CATSPERG: variants seen among roughly 807,000 people sequenced by gnomAD.
CATSPERG encodes the protein cation channel sperm-associated auxiliary subunit gamma.
A neutral mutation model predicts 145.0 loss-of-function variants in CATSPERG; 115 were observed. The observed-to-expected ratio is 0.79, with a 90% CI of 0.68 to 0.93. The LOEUF (loss-of-function observed/expected upper bound fraction) is 0.93, where lower values mean the gene tolerates loss of function less well. Among genes scored for constraint, CATSPERG ranks in the 40% least tolerant of loss-of-function variants. The pLI, the probability that CATSPERG is intolerant of heterozygous loss-of-function variation, is 0.00. For synonymous variants in CATSPERG, 588 were observed against 589.0 expected (o/e 1.00, Z 0.02); for missense variants, 1,296 against 1,490.1 (o/e 0.87, Z 2.14).
chr19:38,360,413 C>T, intron 14 of CATSPERG, 76 bp from the exon 15 acceptor site: 1 of 1,582,984 alleles, frequency 6.3e-7, no homozygotes, highest in Non-Finnish European at 8.6e-7. Flanking sequence ...GGGGCCACCA[C>T]ACTGGGCAGA....
rs148649491 is a variant in CATSPERG at position 38,365,050 on chromosome 19, C to T, written c.2557-11C>T. The T allele has an allele frequency of 3.1e-6, 5 of 1,614,046 alleles. No individual in the cohort carries two copies. Among genetic ancestry groups the T allele is most frequent in the African/African-American group, 1.3e-5 (1 of 75,018 alleles). On this transcript the variant is annotated splice_polypyrimidine_tract_variant and intron_variant, in intron 21 of 28. Coordinates refer to ENST00000409235, the MANE Select transcript of CATSPERG (RefSeq NM_021185.5). ...GCGGGGATCACCATCTTCACCTGCT[C>T]CTACCCACAGGTGGTGGGTTCATCC...
Position 38,337,206 on chromosome 19 carries a change from T to G in CATSPERG, c.-14-15T>G. 6.5e-7 allele frequency: 1 copy of G among 1,548,174 alleles called. No individual in the cohort carries two copies. The highest frequency in any genetic ancestry group is 8.7e-7 in the Non-Finnish European group (1 of 1,145,368). On this transcript the variant is annotated splice_polypyrimidine_tract_variant and intron_variant, in intron 1 of 28. Coordinates refer to ENST00000409235, the MANE Select transcript of CATSPERG (RefSeq NM_021185.5). ...AGCTGTCCGGCGCGTGGGTGTTGAC[T>G]CCTGCGTTCTCCAGGTTCTAGCCAC...
In CATSPERG at chr19:38,368,067, A is replaced by G; in HGVS notation, c.2950A>G (p.Thr984Ala). Residue 984 changes from threonine to alanine, a missense_variant, in exon 26 of 29, where the codon ACC becomes GCC. By Grantham distance (58) the Thr-to-Ala change is moderately conservative. Coordinates refer to ENST00000409235, the MANE Select transcript of CATSPERG (RefSeq NM_021185.5). ...PLDKTNSLIW[T>A]TRTTRTTKDS... is the part of the protein sequence containing the mutation. ...GCACAGGACCAACAGCCTTATCTGG[A>G]CCACGAGGACCACAAGGACCACCAA... is the stretch of plus-strand genomic sequence containing the variant. 1 of 1,614,086 alleles carries G rather than the reference A, an allele frequency of 6.2e-7. No individual in the cohort carries two copies. Among genetic ancestry groups the G allele is most frequent in the Non-Finnish European group, 8.5e-7 (1 of 1,180,024 alleles).
intron 4 of CATSPERG, 22 bp downstream of exon 4, chr19:38,343,746 G>A (rs1216839707): frequency 1.3e-6 from 2 of 1,544,842 alleles, no homozygotes; most frequent in African/African-American, 1.4e-5. Flanking sequence ...GGAGGCGGGA[G>A]GGATCGCAAC....
chr19:38,361,597 G>A, intron 16 of CATSPERG, 51 bp from the exon 17 acceptor site: 1 of 1,467,172 alleles, frequency 6.8e-7, no homozygotes, highest in Non-Finnish European at 9.3e-7. Flanking sequence ...GAAGCTTCCA[G>A]TGCGCGGGGT....
chr19:38,365,123 G>A lies in CATSPERG; in HGVS notation c.2613+6G>A. 1.2e-6 allele frequency: 2 copies of A among 1,613,172 alleles called. No homozygotes were observed. The highest frequency in any genetic ancestry group is 1.7e-6 in the Non-Finnish European group (2 of 1,179,840). On this transcript the variant is annotated splice_donor_region_variant and intron_variant, in intron 22 of 28. Transcript: ENST00000409235. ...ACCTGGGGCCCCATATGCAAGTATT[G>A]GAGCTTGGGATACTGGGCCCTGGGA...
intron 7 of CATSPERG, among the ~76,000 whole-genome samples, chr19:38,351,059 C>G (rs933160960): frequency 2.6e-5 from 4 of 152,120 alleles, no homozygotes; most frequent in African/African-American, 9.7e-5. Flanking sequence ...TCTTCTCAAG[C>G]CCACATTCAG....
intron 3 of CATSPERG, among the ~76,000 whole-genome samples, chr19:38,339,123 G>A (rs1428737207): frequency 2.6e-5 from 4 of 152,212 alleles, no homozygotes; most frequent in Non-Finnish European, 5.9e-5. Context: ...AACAGGTGGT[G>A]AGAATGTGGA....
rs1248305788 is a variant in CATSPERG, at chr19:38,362,885, T to G, written c.2475+53T>G. The G allele has an allele frequency of 3.4e-5, 43 of 1,281,122 alleles. 1 individual carries two copies. The highest frequency in any genetic ancestry group is 3.2e-4 in the Admixed American group (16 of 50,448). 79.4% of individuals were successfully genotyped at this position (1,281,122 alleles called of 1,614,324 possible). A position where few individuals can be genotyped will look rare whatever the true frequency, so the allele number is the denominator to read the frequency against. Reference sequence around the variant, plus strand: ...AGGGAGGTTTTGTTTTTTTTTTTTTTTTTTTTTTTTGGAGACAGGGTCTTG... The same window carrying G: ...AGGGAGGTTTTGTTTTTTTTTTTTTGTTTTTTTTTTGGAGACAGGGTCTTG... On this transcript the variant is annotated intron_variant, in intron 20 of 28. Coordinates refer to ENST00000409235, the MANE Select transcript of CATSPERG (RefSeq NM_021185.5).
intron 3 of CATSPERG, among the ~76,000 whole-genome samples, chr19:38,339,518 GC>G (rs1232340940): frequency 2.0e-5 from 3 of 152,284 alleles, no homozygotes; most frequent in African/African-American, 7.2e-5. Context: ...AGGCTGGAGT[GC>G]AGTGGCGCAA....
Position 38,367,212 on chromosome 19 carries a change from C to T in CATSPERG, c.2670C>T (p.Phe890=), listed in dbSNP as rs753886679. The part of the protein sequence containing the change: ...IGCPPGKRLA[F]DITYTLEYSR... ...GCCCCCCAGGCAAGCGCCTGGCCTT[C>T]GACATCACCTACACGCTGGAATACA... Residue 890 remains phenylalanine (F), a synonymous_variant, in exon 23 of 29, where the codon TTC becomes TTT. Transcript: ENST00000409235. 30 of 1,613,930 alleles carry T rather than the reference C, an allele frequency of 1.9e-5. No individual in the cohort carries two copies. The highest frequency in any genetic ancestry group is 2.4e-5 in the Non-Finnish European group (28 of 1,179,988).
intron 9 of CATSPERG, 79 bp from the exon 10 acceptor site, chr19:38,356,405 G>A (rs1970243239): frequency 7.7e-7 from 1 of 1,305,452 alleles, no homozygotes; most frequent in Admixed American, 1.7e-5. Flanking sequence ...TGGGCATAAG[G>A]AGGGCAATCG....
At chr19:38,354,528 A>G (rs185050148) in intron 8 of CATSPERG, among the ~76,000 whole-genome samples, 182 bp from the exon 9 acceptor site, 1 of 152,286 alleles carries the variant, frequency 6.6e-6, no homozygotes, top group East Asian at 1.9e-4. Flanking sequence ...GAGTGTGAGC[A>G]AGGAGGATTT....
chr19:38,353,923 C>T (rs1175921021), intron 8 of CATSPERG, among the ~76,000 whole-genome samples: 13 of 120,834 alleles, frequency 1.1e-4, no homozygotes, highest in Admixed American at 3.4e-4. Flanking sequence ...ACCCAGGAGG[C>T]GGGGCTGCAG....
intron 8 of CATSPERG, 116 bp from the exon 9 acceptor site, chr19:38,354,594 G>C: frequency 8.1e-7 from 1 of 1,230,122 alleles, no homozygotes; most frequent in Non-Finnish European, 1.1e-6. Flanking sequence ...CACTGAACGG[G>C]TGCTTCAGCA....
chr19:38,337,450 C>T lies in CATSPERG; in HGVS notation c.216C>T (p.Asp72=). 2 of 1,552,176 alleles carry T rather than the reference C, an allele frequency of 1.3e-6. No individual in the cohort carries two copies. The change falls in exon 2 of 29, where the codon GAC becomes GAT. Residue 72 remains aspartate, a synonymous_variant. Transcript: ENST00000409235. ...SDSFFEQEPV[D]TVSSLFHMLV... ...GCTTCTTTGAGCAAGAGCCCGTGGA[C>T]ACAGTGAGCAGCTTGTTTCACATGC...
intron 14 of CATSPERG, 107 bp downstream of exon 14, chr19:38,359,688 C>T (rs1399894587): frequency 1.4e-6 from 2 of 1,460,710 alleles, no homozygotes; most frequent in Non-Finnish European, 9.1e-7. Context: ...GGGGCACCCT[C>T]GGGGACCCTG....
chr19:38,362,634 G>T, intron 19 of CATSPERG, 60 bp downstream of exon 19: 1 of 1,606,902 alleles, frequency 6.2e-7, no homozygotes, highest in Non-Finnish European at 8.5e-7. Flanking sequence ...GAATCTGGGA[G>T]CCTGGGGGGC....
rs1370712828 is a variant in CATSPERG, at chr19:38,337,580, CCT to C, written c.271-8_271-7del. ...ACTCATTTCTGGACGTGTGGCCTAA[CCT>C]CTCTTTGCAGAAATACCTGGGCTTC... On this transcript the variant is annotated splice_polypyrimidine_tract_variant and intron_variant, in intron 2 of 28. Transcript: ENST00000409235. 5 of 1,551,776 alleles carry C rather than the reference CCT, an allele frequency of 3.2e-6. No homozygotes were observed. Among genetic ancestry groups the C allele is most frequent in the Non-Finnish European group, 4.4e-6 (5 of 1,147,000 alleles).
Sources: allele counts gnomAD v4.1 joint callset (sites outside exome capture counted in the v4.1 genomes callset), GRCh38; gene constraint gnomAD v4.1.1; transcripts MANE v1.5; gene names NCBI Gene and HGNC (gene_info 2026-07-23, HGNC 2026-07-21).